NLGN4X: variants seen among roughly 807,000 people sequenced by gnomAD.
The protein encoded by NLGN4X is neuroligin-4, X-linked.
In NLGN4X, 3 loss-of-function variants were observed where a neutral mutation model predicts 40.3. The ratio of observed to expected loss-of-function variants is 0.07; its 90% CI spans 0.03 to 0.19. NLGN4X has a LOEUF of 0.19. Ranked by LOEUF, NLGN4X falls within the 10% of genes least tolerant of loss-of-function variation. The probability of loss-of-function intolerance (pLI) is 1.00; values close to 1 mark genes in which losing one functional copy is unlikely to be tolerated. For synonymous variants in NLGN4X, 270 were observed against 306.8 expected (o/e 0.88, Z 1.25); for missense variants, 382 against 708.3 (o/e 0.54, Z 5.23).
chrX:6,151,798 A>ATTTTT, intron 1 of NLGN4X, 27 bp from the exon 2 acceptor site: 10 of 312,176 alleles, frequency 3.2e-5, no homozygotes, highest in Admixed American at 4.9e-5. Flanking sequence ...GCAGACAAGA[A>ATTTTT]TAATGAAGCC....
intron 2 of NLGN4X, among the ~76,000 whole-genome samples, chrX:6,048,380 A>C (rs1299351992): frequency 1.8e-5 from 2 of 111,799 alleles, no homozygotes; most frequent in Non-Finnish European, 3.8e-5. Flanking sequence ...AAGCTCAAGA[A>C]TGAAGTCAGG....
At chrX:6,140,618 C>A (rs1055296795) in intron 2 of NLGN4X, among the ~76,000 whole-genome samples, 1 of 110,900 alleles carries the variant, frequency 9.0e-6, no homozygotes, top group African/African-American at 3.3e-5. Flanking sequence ...CACTGTGTCA[C>A]CCAGGCTGGA....
chrX:5,975,300 A>T (rs2035140916), intron 3 of NLGN4X, among the ~76,000 whole-genome samples: 1 of 111,150 alleles, frequency 9.0e-6, no homozygotes, highest in Non-Finnish European at 1.9e-5. Flanking sequence ...ACATGGTAAA[A>T]CCCTGTCTCT....
At chrX:6,224,336 T>C (rs1925966419) in intron 1 of NLGN4X, among the ~76,000 whole-genome samples, 1 of 112,050 alleles carries the variant, frequency 8.9e-6, no homozygotes, top group South Asian at 3.7e-4. Flanking sequence ...ACCTTTTGGT[T>C]GTGGTCTAGA....
Position 6,069,382 on chromosome X carries a change from T to C in NLGN4X, c.473-39950A>G, listed in dbSNP as rs759194240. 1.7e-4 allele frequency among the ~76,000 whole-genome samples: 19 copies of C among 112,322 alleles called. No homozygotes were observed. The South Asian group carries it at 6.6e-3, about 39-fold the overall frequency. ...CAGCCAAAAGCAAGTGCACAATCAA[T>C]TGCTGTTACAAAGGAAGGTATAAAA... On this transcript the variant is annotated intron_variant, in intron 2 of 5. Transcript: ENST00000381095.
At chrX:6,110,530 T>A (rs1301269814) in intron 2 of NLGN4X, among the ~76,000 whole-genome samples, 1 of 111,982 alleles carries the variant, frequency 8.9e-6, no homozygotes, top group African/African-American at 3.2e-5. Flanking sequence ...GCAGCCTTCA[T>A]GCTGGAAATG....
At chrX:6,044,766 GAT>G (rs1238157612) in intron 2 of NLGN4X, among the ~76,000 whole-genome samples, 2 of 111,880 alleles carry the variant, frequency 1.8e-5, no homozygotes, top group Non-Finnish European at 3.8e-5. Context: ...GGGGGCAGGG[GAT>G]ATATGAGAAC....
chrX:6,227,331 A>C, intron 1 of NLGN4X: 1 of 103,454 alleles, frequency 9.7e-6, no homozygotes, highest in African/African-American at 3.6e-5. Context: ...CAGGCTTAAC[A>C]CTCCCCCCGA....
chrX:6,003,262 G>GAAA (rs2036017721), intron 3 of NLGN4X, among the ~76,000 whole-genome samples: 1 of 112,070 alleles, frequency 8.9e-6, no homozygotes, highest in South Asian at 3.7e-4. Flanking sequence ...ACAGTGGCGT[G>GAAA]AAAGCAGGGA....
intron 4 of NLGN4X, among the ~76,000 whole-genome samples, chrX:5,908,061 A>C: frequency 1.4e-5 from 1 of 69,988 alleles, no homozygotes; most frequent in Non-Finnish European, 2.6e-5. Flanking sequence ...AGAGAGAGGG[A>C]GGGAGGAGAG....
chrX:5,895,219 C>T (rs1285305010), intron 5 of NLGN4X, among the ~76,000 whole-genome samples: 2 of 112,215 alleles, frequency 1.8e-5, no homozygotes, highest in African/African-American at 6.5e-5. Context: ...TAGTTAAGAG[C>T]TGTGAAATCT....
chrX:5,985,444 A>T (rs1033732683), intron 3 of NLGN4X, among the ~76,000 whole-genome samples: 26 of 109,285 alleles, frequency 2.4e-4, no homozygotes, highest in African/African-American at 8.0e-4. Context: ...TTTTTTATTT[A>T]TTTATTTTTT....
rs1282156454 is a variant in NLGN4X at position 6,032,620 on chromosome X, A to G, written c.473-3188T>C. 1.9e-5 allele frequency: 7 copies of G among 372,490 alleles called. No individual in the cohort carries two copies. In the African/African-American group the frequency reaches 2.2e-4, roughly 11 times the overall value. 30.7% of individuals were successfully genotyped at this position (372,490 alleles called of 1,213,427 possible). ...AGGGGAGAAAAAACAGATTGAAATG[A>G]AAAAAAAAAAGAGAGATAGATAGAT... is the stretch of plus-strand genomic sequence containing the variant. On this transcript the variant is annotated intron_variant, in intron 2 of 5. Coordinates refer to ENST00000381095, the MANE Select transcript of NLGN4X (RefSeq NM_181332.3).
intron 3 of NLGN4X, among the ~76,000 whole-genome samples, chrX:6,023,035 A>T (rs931119263): frequency 8.9e-6 from 1 of 111,997 alleles, no homozygotes; most frequent in Non-Finnish European, 1.9e-5. Context: ...ACCATGACGC[A>T]ATCTACCCTC....
At chrX:6,203,750 C>T (rs1432667138) in intron 1 of NLGN4X, among the ~76,000 whole-genome samples, 2 of 112,507 alleles carry the variant, frequency 1.8e-5, no homozygotes, top group East Asian at 2.8e-4. Flanking sequence ...AACATCATGA[C>T]GGACCCTGAG....
At chrX:6,069,138 G>GTTATTT (rs2037996572) in intron 2 of NLGN4X, among the ~76,000 whole-genome samples, 1 of 110,336 alleles carries the variant, frequency 9.1e-6, no homozygotes, top group Non-Finnish European at 1.9e-5. Context: ...AAATACAAAA[G>GTTATTT]TTAGCCTGGC....
intron 3 of NLGN4X, among the ~76,000 whole-genome samples, chrX:5,979,194 T>C (rs2035300550): frequency 9.0e-6 from 1 of 111,232 alleles, no homozygotes; most frequent in Admixed American, 9.6e-5. Context: ...GGTCTCTTCA[T>C]TGCTTGGCCT....
chrX:6,044,596 G>A (rs1047589113), intron 2 of NLGN4X, among the ~76,000 whole-genome samples: 1 of 110,893 alleles, frequency 9.0e-6, no homozygotes, highest in Non-Finnish European at 1.9e-5. Flanking sequence ...ATGTTATTAC[G>A]GATTTGTCTG....
chrX:6,181,315 C>T (rs1256350054), intron 1 of NLGN4X, among the ~76,000 whole-genome samples: 1 of 111,444 alleles, frequency 9.0e-6, no homozygotes, highest in Non-Finnish European at 1.9e-5. Flanking sequence ...AACATGAATA[C>T]GTAGATTTAA....
Sources: allele counts gnomAD v4.1 joint callset (sites outside exome capture counted in the v4.1 genomes callset), GRCh38; gene constraint gnomAD v4.1.1; transcripts MANE v1.5; gene names NCBI Gene and HGNC (gene_info 2026-07-23, HGNC 2026-07-21).